BACH2: variants seen among roughly 807,000 people sequenced by gnomAD.
The protein encoded by BACH2 is BACH transcriptional regulator 2, also known as transcription regulator protein BACH2.
A neutral mutation model predicts 61.8 loss-of-function variants in BACH2; 5 were observed. That is an observed-to-expected ratio of 0.08 (90% CI 0.04 to 0.17). The LOEUF (loss-of-function observed/expected upper bound fraction) is 0.17, where lower values mean the gene tolerates loss of function less well. Ranked by LOEUF, BACH2 falls within the 10% of genes least tolerant of loss-of-function variation. The pLI, the probability that BACH2 is intolerant of heterozygous loss-of-function variation, is 1.00. For missense variants in BACH2, 824 were observed against 1,091.1 expected (o/e 0.76, Z 3.45); for synonymous variants, 446 against 440.1 (o/e 1.01, Z -0.17).
At chr6:90,186,904 T>C (rs1257308748) in intron 4 of BACH2, among the ~76,000 whole-genome samples, 2 of 152,218 alleles carry the variant, frequency 1.3e-5, no homozygotes, top group Admixed American at 6.5e-5. Flanking sequence ...GTCTGATAAC[T>C]CTCAGAGTGC....
At chr6:90,086,761 G>A (rs186306693) in intron 5 of BACH2, among the ~76,000 whole-genome samples, 1 of 151,822 alleles carries the variant, frequency 6.6e-6, no homozygotes, top group Admixed American at 6.6e-5. Flanking sequence ...GAGATCTGCG[G>A]AGTGGCAGAG....
intron 6 of BACH2, among the ~76,000 whole-genome samples, chr6:89,986,300 G>A (rs1355412897): frequency 2.6e-5 from 4 of 151,318 alleles, no homozygotes; most frequent in Admixed American, 2.6e-4. Flanking sequence ...TCCTAGGGAC[G>A]CTGGCCCTGG....
chr6:89,986,981 C>T (rs1776277389), intron 6 of BACH2, among the ~76,000 whole-genome samples: 1 of 152,144 alleles, frequency 6.6e-6, no homozygotes. Flanking sequence ...TCAATGTTAA[C>T]TGCAGCTCAA....
rs543699199 is a variant in BACH2 at position 90,129,933 on chromosome 6, G to A, written c.-161-40824C>T. Among the ~76,000 whole-genome samples the A allele has an allele frequency of 7.2e-5, 11 of 152,112 alleles. No individual in the cohort carries two copies. In the South Asian group the frequency reaches 2.3e-3, roughly 32 times the overall value. On this transcript the variant is annotated intron_variant, in intron 4 of 8. Coordinates refer to ENST00000257749, the MANE Select transcript of BACH2 (RefSeq NM_021813.4). The stretch of plus-strand genomic sequence containing the variant: ...CACCCAGTCTGGAATGCAGTGGCGC[G>A]ATCTCAGCTCACTGCAACCTCCACC...
intron 5 of BACH2, among the ~76,000 whole-genome samples, chr6:90,087,596 C>A (rs1781989842): frequency 1.3e-5 from 2 of 152,144 alleles, no homozygotes; most frequent in South Asian, 4.1e-4. Context: ...GGCAACGGGC[C>A]TGTTCGAAAG....
At chr6:90,059,618 T>A (rs550051355) in intron 5 of BACH2, among the ~76,000 whole-genome samples, 4,695 of 152,240 alleles carry the variant, frequency 0.031, 236 homozygotes, top group African/African-American at 0.11. Context: ...AGCCATCCCA[T>A]TACTGGGTAT....
At chr6:90,163,922 G>C (rs1396521734) in intron 4 of BACH2, among the ~76,000 whole-genome samples, 1 of 152,184 alleles carries the variant, frequency 6.6e-6, no homozygotes, top group Non-Finnish European at 1.5e-5. Flanking sequence ...TTTGGTCACA[G>C]ATAAGAATTT....
chr6:90,166,895 A>G (rs892134864), intron 4 of BACH2, among the ~76,000 whole-genome samples: 3 of 104,244 alleles, frequency 2.9e-5, no homozygotes, highest in Non-Finnish European at 3.8e-5. Context: ...ATCACACACC[A>G]GGGCCTGTCG....
chr6:90,180,985 C>CT (rs2127841032), intron 4 of BACH2, among the ~76,000 whole-genome samples: 1 of 152,212 alleles, frequency 6.6e-6, no homozygotes, highest in Non-Finnish European at 1.5e-5. Flanking sequence ...AAACATACAC[C>CT]TGCAGGTGTC....
chr6:90,231,990 A>G (rs1268638649), intron 3 of BACH2, among the ~76,000 whole-genome samples: 1 of 151,274 alleles, frequency 6.6e-6, no homozygotes, highest in African/African-American at 2.4e-5. Context: ...AGAGACAGAG[A>G]GAGAGAGAGA....
chr6:90,249,622 A>C (rs72928023), intron 3 of BACH2, among the ~76,000 whole-genome samples: 15,414 of 151,980 alleles, frequency 0.1, 1,091 homozygotes, highest in East Asian at 0.36. Flanking sequence ...AAACACAAAA[A>C]TTAGCAGGGT....
chr6:89,975,475 T>C (rs1582126014), intron 6 of BACH2, among the ~76,000 whole-genome samples: 1 of 152,230 alleles, frequency 6.6e-6, no homozygotes, highest in East Asian at 1.9e-4. Flanking sequence ...AGCTTTCTTT[T>C]GTTTCTCAGA....
chr6:90,235,454 T>G (rs1770228889), intron 3 of BACH2, among the ~76,000 whole-genome samples: 1 of 152,210 alleles, frequency 6.6e-6, no homozygotes, highest in Non-Finnish European at 1.5e-5. Flanking sequence ...TAGCCATTAT[T>G]ATTACAAAGG....
intron 2 of BACH2, among the ~76,000 whole-genome samples, chr6:90,253,051 C>T (rs1272556829): frequency 2.6e-5 from 4 of 152,180 alleles, no homozygotes; most frequent in Admixed American, 6.5e-5. Flanking sequence ...TCAAGACCAG[C>T]TTGGGTAACA....
At chr6:89,992,497 G>C (rs1403478733) in intron 6 of BACH2, among the ~76,000 whole-genome samples, 1 of 152,146 alleles carries the variant, frequency 6.6e-6, no homozygotes. Context: ...AAAATTAGCT[G>C]GGCGTGGTGG....
At chr6:90,179,462 G>A (rs1255263836) in intron 4 of BACH2, among the ~76,000 whole-genome samples, 3 of 152,146 alleles carry the variant, frequency 2.0e-5, no homozygotes, top group Admixed American at 6.5e-5. Flanking sequence ...GATGGATTTG[G>A]AAGGTTTTCT....
At chr6:90,133,078 T>C (rs1296213041) in intron 4 of BACH2, among the ~76,000 whole-genome samples, 1 of 152,256 alleles carries the variant, frequency 6.6e-6, no homozygotes, top group Non-Finnish European at 1.5e-5. Context: ...GCTATTCAAA[T>C]GCAAATTAGT....
intron 4 of BACH2, among the ~76,000 whole-genome samples, chr6:90,179,924 T>C (rs1166980523): frequency 6.6e-6 from 1 of 152,132 alleles, no homozygotes; most frequent in Non-Finnish European, 1.5e-5. Flanking sequence ...TAAATATCCA[T>C]GAGTAGGGCA....
chr6:89,970,797 G>A (rs1775315564), intron 6 of BACH2, among the ~76,000 whole-genome samples: 1 of 152,160 alleles, frequency 6.6e-6, no homozygotes, highest in African/African-American at 2.4e-5. Context: ...CTAGGAATAT[G>A]CTCTGGCTGA....
Sources: allele counts gnomAD v4.1 joint callset (sites outside exome capture counted in the v4.1 genomes callset), GRCh38; gene constraint gnomAD v4.1.1; transcripts MANE v1.5; gene names NCBI Gene and HGNC (gene_info 2026-07-23, HGNC 2026-07-21).